Variants in YY1AP1 observed in about 807,000 individuals in gnomAD.
The protein encoded by YY1AP1 is YY1-associated protein 1.
Under a neutral mutation model 39.9 loss-of-function variants are expected in YY1AP1, and 43 were observed. The observed-to-expected ratio is 1.08, with a 90% confidence interval of 0.84 to 1.39. YY1AP1 has a LOEUF of 1.39. Among genes scored for constraint, YY1AP1 ranks in the 40% most tolerant of loss-of-function variants. The pLI is 0.00. For synonymous variants in YY1AP1, 292 were observed against 331.3 expected (o/e 0.88, Z 1.29); for missense variants, 813 against 900.7 (o/e 0.90, Z 1.25).
At chr1:155,672,253 T>A in intron 7 of YY1AP1, 1 of 435,600 alleles carries the variant, frequency 2.3e-6, no homozygotes, top group South Asian at 2.2e-5. Flanking sequence ...TTTATCTTGA[T>A]CTGATTCCTA....
intron 2 of YY1AP1, among the ~76,000 whole-genome samples, chr1:155,687,730 C>G (rs1169573893): frequency 1.4e-5 from 2 of 147,222 alleles, no homozygotes; most frequent in South Asian, 4.2e-4. Flanking sequence ...CTCGACCACT[C>G]TTATCCCTTA....
Position 155,660,182 on chromosome 1 carries a change from A to G in YY1AP1, c.1728T>C (p.Pro576=). 1.2e-6 allele frequency: 2 copies of G among 1,614,214 alleles called. No homozygotes were observed. The highest frequency in any genetic ancestry group is 1.7e-6 in the Non-Finnish European group (2 of 1,180,038). ...SLGGGCNMIQ[P]VNAAVAQSPQ... The stretch of plus-strand genomic sequence containing the variant: ...GACTCTGGGCCACAGCCGCATTGAC[A>G]GGCTGGATCATGTTACAGCCACCGC... The change falls in exon 11 of 11, where the codon CCT becomes CCC. Residue 576 remains proline (P), a synonymous_variant. Transcript: ENST00000355499.
chr1:155,683,663 AC>A (rs1189479983), intron 2 of YY1AP1, among the ~76,000 whole-genome samples: 2 of 152,018 alleles, frequency 1.3e-5, no homozygotes. Context: ...CTCAAAAAAA[AC>A]AAAACAAAAC....
chr1:155,684,108 C>T (rs899080659), intron 2 of YY1AP1, among the ~76,000 whole-genome samples: 3 of 152,090 alleles, frequency 2.0e-5, no homozygotes, highest in Admixed American at 6.5e-5. Context: ...ATCAGCAGGG[C>T]GTGTTGGCAC....
rs777065440 is a variant in YY1AP1, at chr1:155,659,768, C to T, written c.2142G>A (p.Pro714=). The T allele has an allele frequency of 8.7e-6, 14 of 1,614,068 alleles. No homozygotes were observed. The highest frequency in any genetic ancestry group is 2.2e-5 in the East Asian group (1 of 44,896). The part of the protein sequence containing the change: ...KTEEGRQALE[P]LPQGIQESLN... Reference sequence around the variant, plus strand: ...GAGACTCCTGGATGCCCTGAGGGAGCGGCTCCAGAGCTTGCCTTCCCTCCT... The same window carrying T: ...GAGACTCCTGGATGCCCTGAGGGAGTGGCTCCAGAGCTTGCCTTCCCTCCT... Residue 714 remains proline, a synonymous_variant, in exon 11 of 11, where the codon CCG becomes CCA. Transcript: ENST00000355499.
At chr1:155,674,502 C>A (rs571074637) in intron 6 of YY1AP1, among the ~76,000 whole-genome samples, 9 of 152,048 alleles carry the variant, frequency 5.9e-5, no homozygotes, top group Non-Finnish European at 1.0e-4. Flanking sequence ...CAGGGTGAAT[C>A]TAAAGATGAG....
chr1:155,665,373 G>A (rs1209884650), intron 9 of YY1AP1, among the ~76,000 whole-genome samples: 3 of 152,034 alleles, frequency 2.0e-5, no homozygotes, highest in Non-Finnish European at 2.9e-5. Flanking sequence ...ACCGAAACGG[G>A]TGGATCAAGA....
chr1:155,676,724 G>C lies in YY1AP1; in HGVS notation c.148C>G (p.Leu50Val). ...GCTATCTGATGTTGTTCATTTAGTA[G>C]GTTGGCCAGTAGTTCCTCAAACCTA... ...ALRFEELLANLLNEQHQIAKE... is the reference protein window; with the variant it reads ...ALRFEELLANVLNEQHQIAKE... Residue 50 changes from leucine (L) to valine (V), a missense_variant, in exon 5 of 11, where the codon CTA becomes GTA. Physicochemically the swap from Leu to Val is conservative, Grantham distance 32. This residue lies in a region of YY1AP1 where 196 missense variants were observed against 189.7 expected (regional missense o/e 1.03). Transcript: ENST00000355499. 1.9e-6 allele frequency: 3 copies of C among 1,614,062 alleles called. No individual in the cohort carries two copies. The South Asian group carries it at 3.3e-5, about 18-fold the overall frequency.
intron 7 of YY1AP1, 79 bp from the exon 8 acceptor site, chr1:155,670,543 A>C (rs1006043558): frequency 2.2e-5 from 34 of 1,515,396 alleles, no homozygotes; most frequent in South Asian, 7.0e-5. Context: ...GCATTTTTGC[A>C]TTTAGGTAGA....
rs776833394 is a variant in YY1AP1 at position 155,660,288 on chromosome 1, C to A, written c.1622G>T (p.Cys541Phe). Residue 541 changes from cysteine to phenylalanine, a missense_variant, in exon 11 of 11, where the codon TGT becomes TTT. Coordinates refer to ENST00000355499, the MANE Select transcript of YY1AP1 (RefSeq NM_139119.3). The stretch of plus-strand genomic sequence containing the variant: ...GTGGATAACAGGGGCAGGTTTGATA[C>A]AGCGAAAGGCCCTGGCTCCCCTTCT... ...SKRRGARAFRCIKPAPVIHPA... is the reference protein window; with the variant it reads ...SKRRGARAFRFIKPAPVIHPA... 2.5e-6 allele frequency: 4 copies of A among 1,614,076 alleles called. No homozygotes were observed. The highest frequency in any genetic ancestry group is 2.5e-6 in the Non-Finnish European group (3 of 1,180,040).
chr1:155,685,212 G>A (rs1281357843), intron 2 of YY1AP1, among the ~76,000 whole-genome samples: 1 of 152,154 alleles, frequency 6.6e-6, no homozygotes, highest in East Asian at 1.9e-4. Context: ...CTAAGAATAA[G>A]TAGTGACAAA....
chr1:155,681,324 C>G (rs1651485788), intron 2 of YY1AP1, among the ~76,000 whole-genome samples: 1 of 152,138 alleles, frequency 6.6e-6, no homozygotes, highest in Non-Finnish European at 1.5e-5. Context: ...GCCACCATGA[C>G]CAGCCCAATG....
At chr1:155,667,603 C>A (rs966015269) in intron 9 of YY1AP1, among the ~76,000 whole-genome samples, 3 of 152,070 alleles carry the variant, frequency 2.0e-5, no homozygotes, top group Non-Finnish European at 2.9e-5. Flanking sequence ...GCAGATGGAT[C>A]ACCTGAGGTC....
In YY1AP1 at chr1:155,668,753, A is replaced by G. The variant is rs774883293; in HGVS notation, c.753T>C (p.His251=). ...GGTTAAGAAACTCAGTCCCTTCAAAATGCTTCAGTCCTAAAGCTAACAAAC... is the reference window on the plus strand; with the variant it reads ...GGTTAAGAAACTCAGTCCCTTCAAAGTGCTTCAGTCCTAAAGCTAACAAAC... ...EDNLLALGLK[H]FEGTEFLNPL... The change falls in exon 9 of 11, where the codon CAT becomes CAC. Residue 251 remains histidine, a synonymous_variant. Coordinates refer to ENST00000355499, the MANE Select transcript of YY1AP1 (RefSeq NM_139119.3). 3 of 1,614,182 alleles carry G rather than the reference A, an allele frequency of 1.9e-6. No homozygotes were observed. In the South Asian group the frequency reaches 3.3e-5, roughly 18 times the overall value.
intron 9 of YY1AP1, among the ~76,000 whole-genome samples, chr1:155,664,270 T>C (rs754661661): frequency 6.6e-6 from 1 of 152,202 alleles, no homozygotes; most frequent in Non-Finnish European, 1.5e-5. Flanking sequence ...GAGAGTATTA[T>C]TTTTTCCTTT....
intron 6 of YY1AP1, among the ~76,000 whole-genome samples, chr1:155,673,090 C>T (rs1244492114): frequency 6.6e-6 from 1 of 152,172 alleles, no homozygotes; most frequent in Non-Finnish European, 1.5e-5. Context: ...ATGATCTCAG[C>T]TCACTGCAAA....
At chr1:155,665,245 C>T (rs1648788212) in intron 9 of YY1AP1, among the ~76,000 whole-genome samples, 1 of 151,674 alleles carries the variant, frequency 6.6e-6, no homozygotes, top group South Asian at 2.1e-4. Flanking sequence ...AACTGAGACC[C>T]CCCCACCTCA....
chr1:155,677,598 G>A (rs1650898901), intron 4 of YY1AP1, among the ~76,000 whole-genome samples: 1 of 152,144 alleles, frequency 6.6e-6, no homozygotes, highest in South Asian at 2.1e-4. Flanking sequence ...TACAGCAATA[G>A]TTAAATGGTA....
At chr1:155,688,566 C>T in intron 1 of YY1AP1, 93 bp downstream of exon 1, 1 of 1,538,128 alleles carries the variant, frequency 6.5e-7, no homozygotes, top group Non-Finnish European at 8.7e-7. Context: ...CCAGCCATCC[C>T]GTACGCGCTC....
Sources: gnomAD v4.1 joint callset for allele counts (sites outside exome capture counted in the v4.1 genomes callset) on GRCh38, gnomAD v4.1.1 for gene constraint, gnomAD v4.1.1 regional missense constraint, MANE v1.5 for transcripts, NCBI Gene and HGNC (gene_info 2026-07-23, HGNC 2026-07-21) for gene names.